The following NAA35 variants were observed in gnomAD, a reference collection of about 807,000 sequenced individuals.
The protein encoded by NAA35 is MAK10 homolog, amino-acid N-acetyltransferase subunit.
Under a neutral mutation model 101.7 loss-of-function variants are expected in NAA35, and 18 were observed. The observed-to-expected ratio is 0.18, with a 90% CI of 0.12 to 0.26. The LOEUF (loss-of-function observed/expected upper bound fraction) is 0.26, where lower values mean the gene tolerates loss of function less well. NAA35 is among the 10% of genes least tolerant of loss of function. NAA35 has a pLI of 1.00. For synonymous variants in NAA35, 267 were observed against 273.1 expected (o/e 0.98, Z 0.22); for missense variants, 601 against 886.8 (o/e 0.68, Z 4.09).
At chr9:86,014,570 T>A (rs1832109062) in intron 17 of NAA35, among the ~76,000 whole-genome samples, 1 of 152,220 alleles carries the variant, frequency 6.6e-6, no homozygotes, top group Non-Finnish European at 1.5e-5. Flanking sequence ...GTGTTACTCA[T>A]CACAAACACT....
At chr9:86,006,514 C>T (rs1831650095) in intron 13 of NAA35, among the ~76,000 whole-genome samples, 1 of 152,136 alleles carries the variant, frequency 6.6e-6, no homozygotes, top group Admixed American at 6.5e-5. Flanking sequence ...AATGAATCTC[C>T]ACTGCATTAT....
intron 2 of NAA35, among the ~76,000 whole-genome samples, chr9:85,953,679 T>C (rs538238642): frequency 1.7e-4 from 26 of 152,326 alleles, no homozygotes; most frequent in Middle Eastern, 6.8e-3. Context: ...TCTGCCTGCA[T>C]TGGCCTTCCA....
At position 86,007,732 on chromosome 9, in the gene NAA35, G is replaced by A. The variant is rs180855571; in HGVS notation, c.1223+268G>A. 1.7e-4 allele frequency among the ~76,000 whole-genome samples: 26 copies of A among 152,234 alleles called. No homozygotes were observed. In the East Asian group the frequency reaches 4.6e-3, roughly 27 times the overall value. On this transcript the variant is annotated intron_variant, in intron 14 of 22. Coordinates refer to ENST00000361671, the MANE Select transcript of NAA35 (RefSeq NM_024635.4). ...TTTGCCGTAGTAGAGGCACTGCCCCGAAAACATGCTGCCATCAGAGGCTGA... is the reference window on the plus strand; with the variant it reads ...TTTGCCGTAGTAGAGGCACTGCCCCAAAAACATGCTGCCATCAGAGGCTGA...
chr9:85,978,519 C>T (rs1830308948), intron 11 of NAA35, 138 bp downstream of exon 11: 3 of 604,278 alleles, frequency 5.0e-6, no homozygotes, highest in Middle Eastern at 4.3e-4. Flanking sequence ...AGTGTTTAGG[C>T]TCTTCTCTGT....
chr9:85,958,827 T>A (rs1457765847), intron 4 of NAA35, among the ~76,000 whole-genome samples: 1 of 152,178 alleles, frequency 6.6e-6, no homozygotes, highest in African/African-American at 2.4e-5. Context: ...TTGAAAGCAT[T>A]TGACTATATA....
rs1829541059 is a variant in NAA35 at position 85,962,150 on chromosome 9, A to G, written c.486A>G (p.Glu162=). The G allele has an allele frequency of 6.2e-7, 1 of 1,613,968 alleles. No homozygotes were observed. Among genetic ancestry groups the G allele is most frequent in the Non-Finnish European group, 8.5e-7 (1 of 1,179,930 alleles). ...TGAAAATCTGTGACATTGCAAGGGAAAAAGTAAATAAAGCTGCTGTTTTTG... is the reference window on the plus strand; with the variant it reads ...TGAAAATCTGTGACATTGCAAGGGAGAAAGTAAATAAAGCTGCTGTTTTTG... ...GILKICDIAR[E]KVNKAAVFEE... is the part of the protein sequence containing the mutation. The change falls in exon 6 of 23, where the codon GAA becomes GAG. Residue 162 remains glutamate (E), a synonymous_variant. Coordinates refer to ENST00000361671, the MANE Select transcript of NAA35 (RefSeq NM_024635.4).
At chr9:86,021,032 A>G (rs748440454) in intron 22 of NAA35, 63 bp downstream of exon 22, 47 of 1,226,548 alleles carry the variant, frequency 3.8e-5, no homozygotes, top group East Asian at 4.9e-5. Flanking sequence ...AAGTTTTGCA[A>G]TAAGATGTGT....
Position 85,975,162 on chromosome 9 carries a change from A to G in NAA35, c.627+5A>G, listed in dbSNP as rs371608105. On this transcript the variant is annotated splice_donor_5th_base_variant and intron_variant, in intron 8 of 22. Coordinates refer to ENST00000361671, the MANE Select transcript of NAA35 (RefSeq NM_024635.4). ...GACATGCAAAGAAGAGTAAAGGTAT[A>G]TATGTTTTCTGTTTGGTGTGGGGTT... The G allele has an allele frequency of 1.9e-6, 3 of 1,612,342 alleles. No individual in the cohort carries two copies. Among genetic ancestry groups the G allele is most frequent in the Non-Finnish European group, 2.5e-6 (3 of 1,179,414 alleles).
At chr9:85,986,693 T>C (rs1830664278) in intron 11 of NAA35, 1 of 312,646 alleles carries the variant, frequency 3.2e-6, no homozygotes, top group South Asian at 2.4e-5. Context: ...CAAATGATTC[T>C]CTTACCTCAC....
At chr9:85,956,338 GT>G in intron 2 of NAA35, 21 bp from the exon 3 acceptor site, 2 of 1,322,088 alleles carry the variant, frequency 1.5e-6, no homozygotes, top group Non-Finnish European at 1.0e-6. Flanking sequence ...TGTTCAAAGG[GT>G]TTTTCTCTTT....
chr9:85,974,110 C>T (rs1321608061), intron 6 of NAA35, among the ~76,000 whole-genome samples: 1 of 152,052 alleles, frequency 6.6e-6, no homozygotes, highest in Non-Finnish European at 1.5e-5. Flanking sequence ...ATACATGCCA[C>T]CATGCCTGGC....
intron 11 of NAA35, among the ~76,000 whole-genome samples, chr9:85,995,100 G>A (rs1439328372): frequency 6.6e-6 from 1 of 151,990 alleles, no homozygotes; most frequent in Non-Finnish European, 1.5e-5. Context: ...ATGAAGACCA[G>A]TGACCTAACA....
chr9:86,017,679 T>TAGGAAG (rs1832295459), intron 19 of NAA35, 114 bp downstream of exon 19: 1 of 863,838 alleles, frequency 1.2e-6, no homozygotes, highest in Non-Finnish European at 1.8e-6. Context: ...TTTGTTTTAC[T>TAGGAAG]TCCTGTCTGC....
intron 2 of NAA35, among the ~76,000 whole-genome samples, chr9:85,952,975 C>T (rs1169610016): frequency 6.6e-6 from 1 of 152,182 alleles, no homozygotes; most frequent in Non-Finnish European, 1.5e-5. Context: ...CTTTAGGACG[C>T]CAAGGCGGCA....
Position 86,020,985 on chromosome 9 carries a change from G to A in NAA35, c.2118+16G>A, listed in dbSNP as rs1297023155. Reference sequence around the variant, plus strand: ...GGAATCTAAAGTGAGTACATTGTGGGAAAAATAAGTGGTCTTAGATTATTG... The same window carrying A: ...GGAATCTAAAGTGAGTACATTGTGGAAAAAATAAGTGGTCTTAGATTATTG... On this transcript the variant is annotated intron_variant, in intron 22 of 22. Coordinates refer to ENST00000361671, the MANE Select transcript of NAA35 (RefSeq NM_024635.4). The A allele has an allele frequency of 6.4e-7, 1 of 1,572,374 alleles. No homozygotes were observed. The highest frequency in any genetic ancestry group is 1.7e-5 in the Admixed American group (1 of 58,332).
At chr9:86,016,955 G>C (rs1413635772) in intron 18 of NAA35, among the ~76,000 whole-genome samples, 1 of 152,240 alleles carries the variant, frequency 6.6e-6, no homozygotes, top group Non-Finnish European at 1.5e-5. Flanking sequence ...CAAGACAGCA[G>C]GAGGCCAGTG....
At chr9:85,975,694 T>G (rs1830183090) in intron 8 of NAA35, among the ~76,000 whole-genome samples, 5 of 152,250 alleles carry the variant, frequency 3.3e-5, no homozygotes, top group Admixed American at 3.3e-4. Context: ...ATATTAAAAT[T>G]TAACCCACTT....
At chr9:85,960,657 C>A (rs181454320) in intron 5 of NAA35, among the ~76,000 whole-genome samples, 3 of 152,262 alleles carry the variant, frequency 2.0e-5, no homozygotes, top group East Asian at 3.9e-4. Context: ...TCAAAGATTT[C>A]TTTATTACCT....
intron 12 of NAA35, 50 bp from the exon 13 acceptor site, chr9:86,003,535 C>T (rs1289720939): frequency 2.7e-6 from 3 of 1,127,740 alleles, no homozygotes; most frequent in Non-Finnish European, 3.9e-6. Flanking sequence ...GTGTTTTTAG[C>T]TTTTATTTAA....
Sources: gnomAD v4.1 joint callset for allele counts (sites outside exome capture counted in the v4.1 genomes callset) on GRCh38, gnomAD v4.1.1 for gene constraint, MANE v1.5 for transcripts, NCBI Gene and HGNC (gene_info 2026-07-23, HGNC 2026-07-21) for gene names.